VPS33A: variants seen among roughly 807,000 people sequenced by gnomAD.
VPS33A encodes VPS33A core subunit of CORVET and HOPS complexes.
In VPS33A, 32 loss-of-function variants were observed where a neutral mutation model predicts 71.8. The ratio of observed to expected loss-of-function variants is 0.45; its 90% confidence interval spans 0.34 to 0.60. The LOEUF (loss-of-function observed/expected upper bound fraction) is 0.60, where lower values mean the gene tolerates loss of function less well. Ranked by LOEUF, VPS33A falls within the 20% of genes least tolerant of loss-of-function variation. The pLI, the probability that VPS33A is intolerant of heterozygous loss-of-function variation, is 0.02. For missense variants in VPS33A, 625 were observed against 748.5 expected, an observed-to-expected ratio of 0.84 and a Z score of 1.92; for synonymous variants, 311 against 292.7, an observed-to-expected ratio of 1.06 and a Z score of -0.64.
In VPS33A at chr12:122,263,589, G is replaced by C. The variant is rs778682921; in HGVS notation, c.279C>G (p.Ile93Met). The C allele has an allele frequency of 3.7e-6, 6 of 1,609,228 alleles. No homozygotes were observed. The highest frequency in any genetic ancestry group is 4.2e-6 in the Non-Finnish European group (5 of 1,177,414). ...TGAGATACCTGAGCACGTTTTCAGCGATTATATCCATCAACTCTAGCCTGG... is the reference window on the plus strand; with the variant it reads ...TGAGATACCTGAGCACGTTTTCAGCCATTATATCCATCAACTCTAGCCTGG... ...VRPRLELMDI[I>M]AENVLSEDRR... The change falls in exon 3 of 13, where the codon ATC becomes ATG. Residue 93 changes from isoleucine (I) to methionine (M), a missense_variant. Transcript: ENST00000267199.
Position 122,238,572 on chromosome 12 carries a change from T to A in VPS33A, c.1302+15A>T, listed in dbSNP as rs746022361. The A allele has an allele frequency of 1.1e-5, 17 of 1,593,258 alleles. No homozygotes were observed. Among genetic ancestry groups the A allele is most frequent in the Non-Finnish European group, 1.5e-5 (17 of 1,172,130 alleles). ...TGTCCCCCTTGGCAAATTAATAATT[T>A]AAAAATATACTCACCTGGAGAATCT... On this transcript the variant is annotated intron_variant, in intron 10 of 12. Coordinates refer to ENST00000267199, the MANE Select transcript of VPS33A (RefSeq NM_022916.6).
chr12:122,232,231 T>C lies in VPS33A; in HGVS notation c.*15A>G. On this transcript the variant is annotated 3_prime_UTR_variant, in exon 13 of 13. Coordinates refer to ENST00000267199, the MANE Select transcript of VPS33A (RefSeq NM_022916.6). ...TTTATTCTGCAGTACACTTGTTAAG[T>C]CTCCTCTGAACATCCTAGAAAGGTT... The C allele has an allele frequency of 6.3e-7, 1 of 1,599,640 alleles. No individual in the cohort carries two copies. The highest frequency in any genetic ancestry group is 8.5e-7 in the Non-Finnish European group (1 of 1,173,604).
intron 2 of VPS33A, among the ~76,000 whole-genome samples, 195 bp downstream of exon 2, chr12:122,263,939 A>C (rs1349550193): frequency 6.6e-6 from 1 of 152,252 alleles, no homozygotes; most frequent in Non-Finnish European, 1.5e-5. Context: ...GGAAATGGTC[A>C]CATAATATAA....
Position 122,266,358 on chromosome 12 carries a change from C to G in VPS33A, c.51G>C (p.Glu17Asp). The change falls in exon 1 of 13, where the codon GAG becomes GAC. Residue 17 changes from glutamate (E) to aspartate (D), a missense_variant. Coordinates refer to ENST00000267199, the MANE Select transcript of VPS33A (RefSeq NM_022916.6). ...ACTCGCGCAGCTCGCGACGCACCGC[C>G]TCGCGCAACACGTTTAGGTTCACTC... ...YGRVNLNVLR[E>D]AVRRELREFL... The G allele has an allele frequency of 7.4e-6, 12 of 1,613,720 alleles. No individual in the cohort carries two copies. Among genetic ancestry groups the G allele is most frequent in the Non-Finnish European group, 1.0e-5 (12 of 1,179,984 alleles).
intron 2 of VPS33A, 62 bp from the exon 3 acceptor site, chr12:122,263,761 C>T: frequency 6.7e-7 from 1 of 1,492,610 alleles, no homozygotes; most frequent in South Asian, 1.4e-5. Flanking sequence ...AATTTTCAGA[C>T]TCAGAAATCA....
intron 7 of VPS33A, among the ~76,000 whole-genome samples, chr12:122,243,281 T>C (rs1392530100): frequency 6.6e-6 from 1 of 152,220 alleles, no homozygotes; most frequent in Admixed American, 6.5e-5. Context: ...ACAGGGTCTC[T>C]GTCGCCCAGG....
chr12:122,261,773 C>T (rs1347462441), intron 3 of VPS33A, among the ~76,000 whole-genome samples: 1 of 152,006 alleles, frequency 6.6e-6, no homozygotes, highest in Admixed American at 6.6e-5. Flanking sequence ...GAGGCCGAGG[C>T]GAGCGGATCA....
chr12:122,253,208 C>G (rs540789688), intron 4 of VPS33A: 1 of 152,118 alleles, frequency 6.6e-6, no homozygotes, highest in South Asian at 2.1e-4. Context: ...TCAAAAGACA[C>G]GCTTTTTGGC....
chr12:122,251,288 C>T (rs1954840499), intron 4 of VPS33A, among the ~76,000 whole-genome samples, 189 bp from the exon 5 acceptor site: 1 of 152,232 alleles, frequency 6.6e-6, no homozygotes, highest in African/African-American at 2.4e-5. Flanking sequence ...CTGAGGCTGG[C>T]AGCCCCAGGG....
At chr12:122,248,334 A>C (rs1954802814) in intron 6 of VPS33A, 1 of 152,320 alleles carries the variant, frequency 6.6e-6, no homozygotes, top group African/African-American at 2.4e-5. Context: ...AGACAGGTGT[A>C]GGGGTCTGTG....
chr12:122,245,636 G>C (rs997397835), intron 6 of VPS33A, among the ~76,000 whole-genome samples: 1 of 152,028 alleles, frequency 6.6e-6, no homozygotes, highest in South Asian at 2.1e-4. Context: ...AGTAGAGACA[G>C]GGTTTCACCA....
chr12:122,253,694 T>A (rs1954875607), intron 4 of VPS33A, among the ~76,000 whole-genome samples: 1 of 152,100 alleles, frequency 6.6e-6, no homozygotes, highest in African/African-American at 2.4e-5. Flanking sequence ...CAGATTTTAA[T>A]CTTGGTTGTT....
At chr12:122,256,723 G>C (rs1253003753) in intron 4 of VPS33A, among the ~76,000 whole-genome samples, 2 of 152,142 alleles carry the variant, frequency 1.3e-5, no homozygotes, top group African/African-American at 4.8e-5. Flanking sequence ...CAGAAGCAAT[G>C]TCAAAAGAAA....
chr12:122,260,196 G>A lies in VPS33A; in HGVS notation c.483+1065C>T, dbSNP rs191011707. ...GAATAGTTAAAATGTGCCATACTTAGAGAGTGGAGATAGTTGCACAACTTT... is the reference window on the plus strand; with the variant it reads ...GAATAGTTAAAATGTGCCATACTTAAAGAGTGGAGATAGTTGCACAACTTT... On this transcript the variant is annotated intron_variant, in intron 4 of 12. Coordinates refer to ENST00000267199, the MANE Select transcript of VPS33A (RefSeq NM_022916.6). Among the ~76,000 whole-genome samples the A allele has an allele frequency of 4.0e-3, 605 of 152,244 alleles. 9 individuals are homozygous for A. Among genetic ancestry groups the A allele is most frequent in the African/African-American group, 0.014 (571 of 41,522 alleles).
intron 7 of VPS33A, among the ~76,000 whole-genome samples, chr12:122,244,277 GA>G (rs1423802284): frequency 6.6e-6 from 1 of 152,176 alleles, no homozygotes; most frequent in Non-Finnish European, 1.5e-5. Context: ...GGCAAGGTAG[GA>G]AATAATTTAA....
chr12:122,261,398 G>A lies in VPS33A; in HGVS notation c.346C>T (p.Arg116Cys), dbSNP rs145366138. Residue 116 changes from arginine to cysteine, a missense_variant, in exon 4 of 13, where the codon CGC (arginine) becomes TGC (cysteine). Arg to Cys is a radical substitution (Grantham distance 180, BLOSUM62 -3). Coordinates refer to ENST00000267199, the MANE Select transcript of VPS33A (RefSeq NM_022916.6). Reference protein sequence around the residue: ...TRDFHILFVPRRSLLCEQRLK... With the variant: ...TRDFHILFVPCRSLLCEQRLK... ...CGCTGTTCGCACAACAGGCTACGGCGTGGCACAAACAGAATATGAAAATCT... is the reference window on the plus strand; with the variant it reads ...CGCTGTTCGCACAACAGGCTACGGCATGGCACAAACAGAATATGAAAATCT... 1,217 of 1,613,784 alleles carry A rather than the reference G, an allele frequency of 7.5e-4. 10 individuals are homozygous for A. The highest frequency in any genetic ancestry group is 4.7e-4 in the Admixed American group (28 of 59,896).
At chr12:122,239,023 C>A (rs11057247) in intron 9 of VPS33A, among the ~76,000 whole-genome samples, 2,963 of 148,932 alleles carry the variant, frequency 0.02, 49 homozygotes, top group African/African-American at 0.055. Context: ...ACACACACAC[C>A]CCCCAGTGAT....
chr12:122,232,896 G>A lies in VPS33A; in HGVS notation c.1513C>T (p.Arg505Trp), dbSNP rs774419174. ...TCCTCGATGCTCCGCCAGCCAGGCC[G>A]GGAAAGCAGCTGGGCCAGCCGCACA... ...LSVRLAQLLS[R>W]PGWRSIEEVL... is the part of the protein sequence containing the mutation. Residue 505 changes from arginine (R) to tryptophan (W), a missense_variant, in exon 12 of 13, where the codon CGG becomes TGG. Transcript: ENST00000267199. 16 of 1,613,926 alleles carry A rather than the reference G, an allele frequency of 9.9e-6. No homozygotes were observed. In the East Asian group the frequency reaches 1.1e-4, roughly 11 times the overall value.
At chr12:122,248,897 G>A (rs1465335933) in intron 6 of VPS33A, 1 of 152,180 alleles carries the variant, frequency 6.6e-6, no homozygotes, top group African/African-American at 2.4e-5. Flanking sequence ...GCCAACTCTT[G>A]TGTCACCGAC....
Sources: gnomAD v4.1 joint callset for allele counts (sites outside exome capture counted in the v4.1 genomes callset) on GRCh38, gnomAD v4.1.1 for gene constraint, MANE v1.5 for transcripts, NCBI Gene and HGNC (gene_info 2026-07-23, HGNC 2026-07-21) for gene names.